FAM53B: variants seen among roughly 807,000 people sequenced by gnomAD.
FAM53B encodes the protein family with sequence similarity 53 member B, also known as protein FAM53B.
Under a neutral mutation model 32.7 loss-of-function variants are expected in FAM53B, and 12 were observed. The observed-to-expected ratio is 0.37, with a 90% CI of 0.24 to 0.59. FAM53B has a LOEUF of 0.59. Among genes scored for constraint, FAM53B ranks in the 20% least tolerant of loss-of-function variants. FAM53B has a pLI of 0.72. For missense variants in FAM53B, 477 were observed against 577.7 expected, an observed-to-expected ratio of 0.83 and a Z score of 1.79; for synonymous variants, 234 against 228.7, an observed-to-expected ratio of 1.02 and a Z score of -0.21.
intron 2 of FAM53B, among the ~76,000 whole-genome samples, chr10:124,696,698 A>C (rs1949874173): frequency 6.6e-6 from 1 of 152,052 alleles, no homozygotes; most frequent in African/African-American, 2.4e-5. Flanking sequence ...CGCTCTGGTG[A>C]GAAGCATGGG....
chr10:124,623,623 A>G lies in FAM53B; in HGVS notation c.907-19T>C. On this transcript the variant is annotated intron_variant, in intron 4 of 4. Transcript: ENST00000337318. ...GACAGTTCTGTGGAGGGGCAGACAC[A>G]CAGGTTACTAAGGGTTACTCCCCTC... The G allele has an allele frequency of 1.2e-6, 2 of 1,602,574 alleles. No homozygotes were observed. Among genetic ancestry groups the G allele is most frequent in the Non-Finnish European group, 1.7e-6 (2 of 1,177,232 alleles).
chr10:124,630,106 C>T (rs1183575897), intron 4 of FAM53B, among the ~76,000 whole-genome samples: 1 of 152,262 alleles, frequency 6.6e-6, no homozygotes, highest in Non-Finnish European at 1.5e-5. Context: ...CGTGTTGGTG[C>T]CCAGTCTTAA....
rs921155393 is a variant in FAM53B, at chr10:124,686,943, G to A, written c.134-4564C>T. 1.1e-4 allele frequency among the ~76,000 whole-genome samples: 16 copies of A among 152,348 alleles called. No individual in the cohort carries two copies. The South Asian group carries it at 1.9e-3, about 18-fold the overall frequency. On this transcript the variant is annotated intron_variant, in intron 3 of 4. Transcript: ENST00000337318. The stretch of plus-strand genomic sequence containing the variant: ...AAGGAGATGGGGTTGACAGAGTCAC[G>A]TCTAAAATACTTTGGAAAAGCAAAG...
intron 3 of FAM53B, among the ~76,000 whole-genome samples, chr10:124,686,509 T>C (rs1411380445): frequency 1.3e-5 from 2 of 152,232 alleles, no homozygotes; most frequent in Non-Finnish European, 2.9e-5. Flanking sequence ...TTTATCTTCC[T>C]TTCACCAAGA....
At position 124,681,701 on chromosome 10, in the gene FAM53B, C is replaced by T; in HGVS notation, c.812G>A (p.Cys271Tyr). The T allele has an allele frequency of 6.2e-7, 1 of 1,611,938 alleles. No individual in the cohort carries two copies. Among genetic ancestry groups the T allele is most frequent in the Non-Finnish European group, 8.5e-7 (1 of 1,179,100 alleles). The change falls in exon 4 of 5, where the codon TGT (cysteine) becomes TAT (tyrosine). Residue 271 changes from cysteine to tyrosine, a missense_variant. Coordinates refer to ENST00000337318, the MANE Select transcript of FAM53B (RefSeq NM_014661.4). ...SGLSRSRSQP[C>Y]VLNDKKVGVK... is the part of the protein sequence containing the mutation. ...ACCGACCTTCTTGTCGTTAAGGACA[C>T]ACGGCTGGGAGCGGCTGCGGGAAAG...
chr10:124,653,967 C>G (rs974465438), intron 4 of FAM53B, among the ~76,000 whole-genome samples: 6 of 152,192 alleles, frequency 3.9e-5, no homozygotes, highest in African/African-American at 1.4e-4. Flanking sequence ...TGGAAGCCGA[C>G]CAGGCAGCTC....
intron 4 of FAM53B, among the ~76,000 whole-genome samples, chr10:124,639,979 C>G (rs765415215): frequency 4.6e-5 from 7 of 151,834 alleles, no homozygotes; most frequent in Non-Finnish European, 1.0e-4. Flanking sequence ...AAGCCTGCAC[C>G]CACCCTTAAC....
intron 4 of FAM53B, among the ~76,000 whole-genome samples, chr10:124,625,751 T>G (rs1464479608): frequency 6.6e-6 from 1 of 152,122 alleles, no homozygotes; most frequent in African/African-American, 2.4e-5. Flanking sequence ...GAAGGAGAAC[T>G]GAGTAGGGGG....
chr10:124,662,574 C>T (rs1395348204), intron 4 of FAM53B, among the ~76,000 whole-genome samples: 6 of 151,280 alleles, frequency 4.0e-5, no homozygotes, highest in African/African-American at 7.3e-5. Context: ...CCAGTGCTTT[C>T]GGAGGCTCAG....
At chr10:124,707,274 T>C (rs533480714) in intron 1 of FAM53B, among the ~76,000 whole-genome samples, 6 of 152,220 alleles carry the variant, frequency 3.9e-5, no homozygotes, top group South Asian at 2.1e-4. Context: ...CCAGGATACA[T>C]TAAAGTAGGC....
At chr10:124,722,748 A>G (rs1424374853) in intron 1 of FAM53B, among the ~76,000 whole-genome samples, 1 of 152,238 alleles carries the variant, frequency 6.6e-6, no homozygotes, top group African/African-American at 2.4e-5. Context: ...TGCATATGGA[A>G]TATCTCTGGG....
intron 1 of FAM53B, among the ~76,000 whole-genome samples, chr10:124,731,402 A>G (rs765969676): frequency 2.6e-5 from 4 of 152,212 alleles, no homozygotes; most frequent in Non-Finnish European, 4.4e-5. Flanking sequence ...TGGCAGCACT[A>G]GAACCCAGGG....
chr10:124,692,513 G>A (rs1008603021), intron 3 of FAM53B, among the ~76,000 whole-genome samples: 4 of 151,880 alleles, frequency 2.6e-5, no homozygotes, highest in Admixed American at 6.6e-5. Context: ...TCAAGAGTTC[G>A]AGACCAGCCT....
chr10:124,626,400 C>CCA (rs1554901933), intron 4 of FAM53B, among the ~76,000 whole-genome samples: 4 of 146,830 alleles, frequency 2.7e-5, no homozygotes, highest in East Asian at 4.0e-4. Context: ...CCCCCCCCCC[C>CCA]CCACCATTCC....
intron 4 of FAM53B, among the ~76,000 whole-genome samples, chr10:124,646,286 T>C (rs1455018975): frequency 1.3e-5 from 2 of 152,248 alleles, no homozygotes; most frequent in African/African-American, 2.4e-5. Flanking sequence ...GCATTTGCTA[T>C]GTGCCTTCAA....
intron 4 of FAM53B, among the ~76,000 whole-genome samples, chr10:124,677,448 A>G (rs1191176762): frequency 6.6e-6 from 1 of 152,244 alleles, no homozygotes; most frequent in African/African-American, 2.4e-5. Flanking sequence ...GGGCTTGCGC[A>G]GGGATCGCAG....
rs145624972 is a variant in FAM53B, at chr10:124,637,203, G to A, written c.907-13599C>T. Among the ~76,000 whole-genome samples, 336 of 152,236 alleles carry A rather than the reference G, an allele frequency of 2.2e-3. 1 individual carries two copies. The highest frequency in any genetic ancestry group is 7.5e-3 in the African/African-American group (311 of 41,546). ...CTCCATCTCTCCTCCATTCTGAGCA[G>A]GGGCTGGGTCACCCTTGCTGGTGCT... is the stretch of plus-strand genomic sequence containing the variant. On this transcript the variant is annotated intron_variant, in intron 4 of 4. Transcript: ENST00000337318.
chr10:124,703,250 A>G (rs1427738666), intron 2 of FAM53B, among the ~76,000 whole-genome samples: 2 of 152,078 alleles, frequency 1.3e-5, no homozygotes, highest in African/African-American at 2.4e-5. Flanking sequence ...GGGCTTCACC[A>G]TATTAGCCAG....
At chr10:124,670,086 G>A (rs1303179833) in intron 4 of FAM53B, among the ~76,000 whole-genome samples, 1 of 152,086 alleles carries the variant, frequency 6.6e-6, no homozygotes, top group East Asian at 1.9e-4. Flanking sequence ...AGATATGGGA[G>A]GGGAGAACTC....
Sources: allele counts gnomAD v4.1 joint callset (sites outside exome capture counted in the v4.1 genomes callset), GRCh38; gene constraint gnomAD v4.1.1; transcripts MANE v1.5; gene names NCBI Gene and HGNC (gene_info 2026-07-23, HGNC 2026-07-21).